MARF1: variants seen among roughly 807,000 people sequenced by gnomAD.
MARF1 encodes the protein limkain-b1.
A neutral mutation model predicts 168.2 loss-of-function variants in MARF1; 24 were observed. The observed-to-expected ratio is 0.14, with a 90% confidence interval of 0.10 to 0.20. The LOEUF is 0.20. Among genes scored for constraint, MARF1 ranks in the 10% least tolerant of loss-of-function variants. The probability of loss-of-function intolerance (pLI) is 1.00; values close to 1 mark genes in which losing one functional copy is unlikely to be tolerated. For missense variants in MARF1, 1,744 were observed against 2,143.6 expected (o/e 0.81, Z 3.68); for synonymous variants, 868 against 822.4 (o/e 1.06, Z -0.95).
chr16:15,629,099 A>T (rs902926123), intron 7 of MARF1, among the ~76,000 whole-genome samples: 2 of 150,128 alleles, frequency 1.3e-5, no homozygotes, highest in African/African-American at 4.9e-5. Flanking sequence ...CAGTGGCGCG[A>T]TCTCAGCTCA....
intron 7 of MARF1, among the ~76,000 whole-genome samples, 183 bp from the exon 8 acceptor site, chr16:15,625,983 A>C (rs72770199): frequency 0.013 from 1,992 of 152,290 alleles, 26 homozygotes; most frequent in South Asian, 0.04. Context: ...TGTTTTAAAG[A>C]ATATGCTTTA....
chr16:15,607,198 A>G (rs1652755195), intron 21 of MARF1, among the ~76,000 whole-genome samples: 1 of 152,086 alleles, frequency 6.6e-6, no homozygotes, highest in Admixed American at 6.5e-5. Flanking sequence ...GAGAGCTCTG[A>G]GCGTTCCTAC....
At chr16:15,609,916 GA>G (rs2151092605) in intron 19 of MARF1, among the ~76,000 whole-genome samples, 191 bp from the exon 20 acceptor site, 1 of 152,184 alleles carries the variant, frequency 6.6e-6, no homozygotes, top group South Asian at 2.1e-4. Context: ...TTCCAGGGCA[GA>G]ACACCAGGAA....
chr16:15,639,503 CG>C (rs746706782), intron 1 of MARF1, among the ~76,000 whole-genome samples: 1 of 152,132 alleles, frequency 6.6e-6, no homozygotes, highest in South Asian at 2.1e-4. Context: ...CGGGTTCAAG[CG>C]ATTTTTCTGC....
rs1386294055 is a variant in MARF1 at position 15,602,095 on chromosome 16, G to A, written c.4522C>T (p.Leu1508Phe). 1.9e-6 allele frequency: 3 copies of A among 1,614,178 alleles called. No individual in the cohort carries two copies. The highest frequency in any genetic ancestry group is 2.5e-6 in the Non-Finnish European group (3 of 1,180,022). ...LHTYHYQQIF[L>F]HEFSMAYTKY... ...GTATAGGCCATGGAAAACTCATGAA[G>A]GAAAATCTGCTGGTAGTGGTAAGTA... The change falls in exon 23 of 27, where the codon CTT (leucine) becomes TTT (phenylalanine). Residue 1508 changes from leucine (L) to phenylalanine (F), a missense_variant. Leu to Phe is a conservative substitution (Grantham distance 22). Around this residue, in one of 7 missense-constraint regions of MARF1, gnomAD observed 313 missense variants for 337.4 expected, o/e 0.93. Transcript: ENST00000396368.
At chr16:15,626,670 T>C (rs1343715035) in intron 7 of MARF1, among the ~76,000 whole-genome samples, 1 of 152,056 alleles carries the variant, frequency 6.6e-6, no homozygotes, top group African/African-American at 2.4e-5. Context: ...TATTAAGAAG[T>C]AGAACTTGGC....
In MARF1 at chr16:15,598,931, G is replaced by A; in HGVS notation, c.4907C>T (p.Pro1636Leu). 1 of 1,613,878 alleles carries A rather than the reference G, an allele frequency of 6.2e-7. No individual in the cohort carries two copies. Among genetic ancestry groups the A allele is most frequent in the Non-Finnish European group, 8.5e-7 (1 of 1,179,962 alleles). Residue 1636 changes from proline to leucine, a missense_variant, in exon 26 of 27, where the codon CCT becomes CTT. By Grantham distance (98) the Pro-to-Leu change is moderately conservative. Around this residue, in one of 7 missense-constraint regions of MARF1, gnomAD observed 313 missense variants for 337.4 expected, o/e 0.93. Transcript: ENST00000396368. ...CAPVPSCLPS[P>L]QLRPDPVILQ... ...GATAACGGGGTCTGGTCTCAGCTGA[G>A]GGGACGGCAGGCACGAGGGGACAGG...
Position 15,612,580 on chromosome 16 carries a change from C to G in MARF1, c.3451G>C (p.Glu1151Gln), listed in dbSNP as rs981857545. 1 of 1,614,056 alleles carries G rather than the reference C, an allele frequency of 6.2e-7. No individual in the cohort carries two copies. The highest frequency in any genetic ancestry group is 1.3e-5 in the African/African-American group (1 of 74,936). The change falls in exon 17 of 27, where the codon GAA (glutamate) becomes CAA (glutamine). Residue 1151 changes from glutamate (E) to glutamine (Q), a missense_variant. Coordinates refer to ENST00000396368, the MANE Select transcript of MARF1 (RefSeq NM_014647.4). ...YGYSKLIELL[E>Q]AVPHVLQILG... ...ACCTGCAATACATGAGGCACTGCTTCTAATAACTCAATCAGCTTGGAGTAT... is the reference window on the plus strand; with the variant it reads ...ACCTGCAATACATGAGGCACTGCTTGTAATAACTCAATCAGCTTGGAGTAT...
rs187885447 is a variant in MARF1 at position 15,639,219 on chromosome 16, G to C, written c.15C>G (p.Asn5Lys). 113 of 1,613,312 alleles carry C rather than the reference G, an allele frequency of 7.0e-5. 2 individuals are homozygous for C. The Middle Eastern group carries it at 1.8e-3, about 26-fold the overall frequency. MMEGNGTENSCSRTR... is the reference protein window; with the variant it reads MMEGKGTENSCSRTR... ...TTCTACTGCAGGAGTTCTCAGTTCC[G>C]TTTCCTTCCATCATACAGCCATGCA... The change falls in exon 2 of 27, where the codon AAC becomes AAG. Residue 5 changes from asparagine (N) to lysine (K), a missense_variant. Coordinates refer to ENST00000396368, the MANE Select transcript of MARF1 (RefSeq NM_014647.4).
intron 4 of MARF1, among the ~76,000 whole-genome samples, chr16:15,634,089 C>A (rs2035427394): frequency 6.6e-6 from 1 of 152,034 alleles, no homozygotes; most frequent in Admixed American, 6.6e-5. Context: ...ACTTTAAGCC[C>A]ACAATAAATC....
intron 1 of MARF1, among the ~76,000 whole-genome samples, chr16:15,640,312 G>A (rs1413850601): frequency 6.6e-6 from 1 of 152,198 alleles, no homozygotes; most frequent in African/African-American, 2.4e-5. Flanking sequence ...TGATGAAAGT[G>A]CAATCTGATA....
In MARF1 at chr16:15,595,248, G is replaced by T. The variant is rs2031566440; in HGVS notation, c.*1445C>A. Reference sequence around the variant, plus strand: ...TCACTGGCTTCATTTAAAAGATTTGGGGAACAAAAAATCTGACTTGTAAAA... The same window carrying T: ...TCACTGGCTTCATTTAAAAGATTTGTGGAACAAAAAATCTGACTTGTAAAA... On this transcript the variant is annotated 3_prime_UTR_variant, in exon 27 of 27. Coordinates refer to ENST00000396368, the MANE Select transcript of MARF1 (RefSeq NM_014647.4). 6.6e-6 allele frequency: 1 copy of T among 152,328 alleles called. No individual in the cohort carries two copies. The highest frequency in any genetic ancestry group is 6.6e-5 in the Admixed American group (1 of 15,258). The allele number at this position is 152,328 out of a possible 1,614,324, so 9.4% of individuals were successfully genotyped here.
Position 15,612,632 on chromosome 16 carries a change from T to C in MARF1, c.3399A>G (p.Ala1133=). The change falls in exon 17 of 27, where the codon GCA becomes GCG. Residue 1133 remains alanine, a synonymous_variant. Coordinates refer to ENST00000396368, the MANE Select transcript of MARF1 (RefSeq NM_014647.4). The stretch of plus-strand genomic sequence containing the variant: ...CGTAGTCTGACACTCGGCACTGCTT[T>C]GCAAAATGATGGTGATAGGATGGGA... ...HFIPSYHHHF[A]KQCRVSDYGY... The C allele has an allele frequency of 1.2e-6, 2 of 1,614,178 alleles. No individual in the cohort carries two copies. The highest frequency in any genetic ancestry group is 1.1e-5 in the South Asian group (1 of 91,086).
chr16:15,630,596 G>A, intron 6 of MARF1, 92 bp from the exon 7 acceptor site: 8 of 1,179,212 alleles, frequency 6.8e-6, no homozygotes, highest in South Asian at 1.9e-5. Context: ...TGAGAAGAAA[G>A]GAAAGGCTGG....
At chr16:15,642,662 G>C (rs529439662) in intron 1 of MARF1, among the ~76,000 whole-genome samples, 3 of 152,160 alleles carry the variant, frequency 2.0e-5, no homozygotes, top group African/African-American at 7.2e-5. Context: ...CGGCCGGGGA[G>C]GGGGGAGTGT....
At chr16:15,626,357 C>G (rs948874887) in intron 7 of MARF1, among the ~76,000 whole-genome samples, 2 of 152,070 alleles carry the variant, frequency 1.3e-5, no homozygotes, top group African/African-American at 4.8e-5. Context: ...CTTAAAAGAG[C>G]TGAATTTTGT....
At position 15,639,128 on chromosome 16, in the gene MARF1, A is replaced by G. The variant is rs1165854458; in HGVS notation, c.106T>C (p.Ser36Pro). Residue 36 changes from serine (S) to proline (P), a missense_variant, in exon 2 of 27, where the codon TCT (serine) becomes CCT (proline). By Grantham distance (74) the Ser-to-Pro change is moderately conservative. This residue lies in a region of MARF1 where 318 missense variants were observed against 336.6 expected (regional missense o/e 0.94). Coordinates refer to ENST00000396368, the MANE Select transcript of MARF1 (RefSeq NM_014647.4). ...PWLWKFSNCFSRPEQTLPHSP... is the reference protein window; with the variant it reads ...PWLWKFSNCFPRPEQTLPHSP... The stretch of plus-strand genomic sequence containing the variant: ...TGTGGCAGCGTCTGCTCAGGACGAG[A>G]AAAGCAATTAGAGAATTTCCAAAGC... 2.5e-6 allele frequency: 4 copies of G among 1,614,092 alleles called. No homozygotes were observed. The highest frequency in any genetic ancestry group is 2.5e-6 in the Non-Finnish European group (3 of 1,180,042).
At chr16:15,609,139 T>C (rs140458948) in intron 20 of MARF1, among the ~76,000 whole-genome samples, 3,153 of 151,220 alleles carry the variant, frequency 0.021, 59 homozygotes, top group South Asian at 0.07. Context: ...ACTCGGGAGG[T>C]TGAGGCAAGT....
At chr16:15,616,145 A>G in intron 15 of MARF1, 140 bp from the exon 16 acceptor site, 1 of 638,828 alleles carries the variant, frequency 1.6e-6, no homozygotes, top group Non-Finnish European at 2.3e-6. Context: ...TTGAAGGTTA[A>G]AATTAAGGAC....
Sources: gnomAD v4.1 joint callset for allele counts (sites outside exome capture counted in the v4.1 genomes callset) on GRCh38, gnomAD v4.1.1 for gene constraint, gnomAD v4.1.1 regional missense constraint, MANE v1.5 for transcripts, NCBI Gene and HGNC (gene_info 2026-07-23, HGNC 2026-07-21) for gene names.